BPIFC: variants seen among roughly 807,000 people sequenced by gnomAD.
BPIFC encodes BPI fold containing family C.
BPIFC carries 60 observed loss-of-function variants against 57.6 expected under a neutral mutation model. That is an observed-to-expected ratio of 1.04 (90% CI 0.85 to 1.29). BPIFC has a LOEUF of 1.29. Ranked by LOEUF, BPIFC falls within the 50% of genes most tolerant of loss-of-function variation. The pLI, the probability that BPIFC is intolerant of heterozygous loss-of-function variation, is 0.00. For synonymous variants in BPIFC, 243 were observed against 224.5 expected (o/e 1.08, Z -0.74); for missense variants, 581 against 600.5 (o/e 0.97, Z 0.34).
At chr22:32,443,040 G>A (rs17691812) in intron 7 of BPIFC, among the ~76,000 whole-genome samples, 1 of 152,022 alleles carries the variant, frequency 6.6e-6, no homozygotes, top group Non-Finnish European at 1.5e-5. Context: ...AGTCCATGCT[G>A]TTATACCCGA....
rs566722950 is a variant in BPIFC, at chr22:32,452,374, C to A, written c.245+1009G>T. On this transcript the variant is annotated intron_variant, in intron 4 of 16. Coordinates refer to ENST00000300399, the MANE Select transcript of BPIFC (RefSeq NM_174932.3). ...GTTTTGGGCTGGGCGTGGTGGCTCA[C>A]GCCTGTAATCCCAGCACTTTGGGAG... 8.5e-5 allele frequency among the ~76,000 whole-genome samples: 13 copies of A among 152,166 alleles called. No individual in the cohort carries two copies. In the South Asian group the frequency reaches 2.7e-3, roughly 32 times the overall value.
At chr22:32,431,889 G>GAAGT (rs1934253477) in intron 12 of BPIFC, among the ~76,000 whole-genome samples, 1 of 151,928 alleles carries the variant, frequency 6.6e-6, no homozygotes, top group Non-Finnish European at 1.5e-5. Context: ...TACAATGTAT[G>GAAGT]AGAGTGTGAG....
At chr22:32,429,523 T>G (rs1425887157) in intron 13 of BPIFC, among the ~76,000 whole-genome samples, 8 of 140,514 alleles carry the variant, frequency 5.7e-5, no homozygotes, top group African/African-American at 8.0e-5. Context: ...TTTTTTTTTT[T>G]TTTTTTTTTT....
rs1043654749 is a variant in BPIFC at position 32,431,329 on chromosome 22, C to G, written c.1217+18G>C. 1.2e-6 allele frequency: 2 copies of G among 1,603,354 alleles called. No homozygotes were observed. Among genetic ancestry groups the G allele is most frequent in the East Asian group, 4.5e-5 (2 of 44,816 alleles). On this transcript the variant is annotated intron_variant, in intron 13 of 16. Coordinates refer to ENST00000300399, the MANE Select transcript of BPIFC (RefSeq NM_174932.3). ...CTTATTACTAAGGTGCCCCAACAGT[C>G]AAATTGATTGATCTTACCTGTTCAG... is the stretch of plus-strand genomic sequence containing the variant.
chr22:32,422,263 C>T (rs770750838), intron 13 of BPIFC, among the ~76,000 whole-genome samples: 3 of 152,042 alleles, frequency 2.0e-5, no homozygotes, highest in South Asian at 2.1e-4. Flanking sequence ...CAGGAATGTG[C>T]GAGGCAATGT....
At chr22:32,462,902 A>G (rs1018398336) in intron 1 of BPIFC, among the ~76,000 whole-genome samples, 1 of 152,182 alleles carries the variant, frequency 6.6e-6, no homozygotes, top group Non-Finnish European at 1.5e-5. Context: ...AAAACCAAAC[A>G]CCATTTTCAA....
At chr22:32,419,822 A>C (rs76292879) in intron 13 of BPIFC, among the ~76,000 whole-genome samples, 1 of 144,174 alleles carries the variant, frequency 6.9e-6, no homozygotes, top group South Asian at 2.1e-4. Context: ...AAAAAAAAAA[A>C]AACAGATAAA....
chr22:32,445,723 A>AAAAAAAAAAAAAAAAAAAAAAAAAC, intron 6 of BPIFC, 25 bp from the exon 7 acceptor site: 1 of 1,512,736 alleles, frequency 6.6e-7, no homozygotes, highest in Non-Finnish European at 8.8e-7. Context: ...GAAAAAAAAA[A>AAAAAAAAAAAAAAAAAAAAAAAAAC]AAAAAAAAAA....
chr22:32,431,990 G>A lies in BPIFC; in HGVS notation c.1149+383C>T, dbSNP rs1934256939. Among the ~76,000 whole-genome samples the A allele has an allele frequency of 3.4e-5, 5 of 145,012 alleles. No homozygotes were observed. The Admixed American group carries it at 3.5e-4, about 10-fold the overall frequency. On this transcript the variant is annotated intron_variant, in intron 12 of 16. Coordinates refer to ENST00000300399, the MANE Select transcript of BPIFC (RefSeq NM_174932.3). The stretch of plus-strand genomic sequence containing the variant: ...ACCCTGTTGCCCAGACTGGAGTGCA[G>A]TGGTGCAATCATAGCTCACTGTAGC...
In BPIFC at chr22:32,432,556, C is replaced by T. The variant is rs368014677; in HGVS notation, c.979-13G>A. On this transcript the variant is annotated splice_polypyrimidine_tract_variant and intron_variant, in intron 11 of 16. Coordinates refer to ENST00000300399, the MANE Select transcript of BPIFC (RefSeq NM_174932.3). Reference sequence around the variant, plus strand: ...AGATCTCTGCAATCTGCCCACATTCCGAGAAAGAAATAAAGATTGTGAGGC... The same window carrying T: ...AGATCTCTGCAATCTGCCCACATTCTGAGAAAGAAATAAAGATTGTGAGGC... 2.1e-5 allele frequency: 33 copies of T among 1,609,336 alleles called. No individual in the cohort carries two copies. The highest frequency in any genetic ancestry group is 1.3e-4 in the African/African-American group (10 of 74,124).
chr22:32,459,975 G>A (rs925495861), intron 2 of BPIFC, among the ~76,000 whole-genome samples: 1 of 152,204 alleles, frequency 6.6e-6, no homozygotes, highest in Non-Finnish European at 1.5e-5. Context: ...AAGCAGCCTG[G>A]GTGAAGGAAA....
chr22:32,432,306 G>A, intron 12 of BPIFC, 67 bp downstream of exon 12: 1 of 1,544,324 alleles, frequency 6.5e-7, no homozygotes, highest in Non-Finnish European at 8.9e-7. Context: ...AAAAGCTGCT[G>A]GCCAACAGTC....
chr22:32,460,120 G>A (rs918187225), intron 2 of BPIFC, among the ~76,000 whole-genome samples: 1 of 152,184 alleles, frequency 6.6e-6, no homozygotes, highest in East Asian at 1.9e-4. Flanking sequence ...TAGAGAATTT[G>A]CTTGAAAAGA....
At chr22:32,428,274 CGCGTGTGT>C (rs1444100520) in intron 13 of BPIFC, among the ~76,000 whole-genome samples, 1 of 144,520 alleles carries the variant, frequency 6.9e-6, no homozygotes, top group African/African-American at 2.6e-5. Context: ...TGTGTGCGCG[CGCGTGTGT>C]GTGTGTGTGT....
chr22:32,456,271 C>T lies in BPIFC; in HGVS notation c.124+992G>A, dbSNP rs534281347. Reference sequence around the variant, plus strand: ...CATATATTCCTGGTACGTATTTCTACACACACCATTGTCCACATAACATTT... The same window carrying T: ...CATATATTCCTGGTACGTATTTCTATACACACCATTGTCCACATAACATTT... On this transcript the variant is annotated intron_variant, in intron 3 of 16. Transcript: ENST00000300399. Among the ~76,000 whole-genome samples, 9 of 152,328 alleles carry T rather than the reference C, an allele frequency of 5.9e-5. No homozygotes were observed. The East Asian group carries it at 1.7e-3, about 29-fold the overall frequency.
At chr22:32,463,778 C>T (rs1295399543) in intron 1 of BPIFC, among the ~76,000 whole-genome samples, 1 of 152,110 alleles carries the variant, frequency 6.6e-6, no homozygotes, top group Non-Finnish European at 1.5e-5. Context: ...GGGATCCACT[C>T]CTCACATCTA....
chr22:32,434,556 CTT>C (rs1934340761), intron 10 of BPIFC, among the ~76,000 whole-genome samples: 1 of 151,256 alleles, frequency 6.6e-6, no homozygotes, highest in South Asian at 2.1e-4. Context: ...ATATTCTTCA[CTT>C]ATATATATTA....
At chr22:32,450,358 T>C (rs961408892) in intron 4 of BPIFC, among the ~76,000 whole-genome samples, 5 of 152,192 alleles carry the variant, frequency 3.3e-5, no homozygotes, top group African/African-American at 1.2e-4. Flanking sequence ...ACCATCTAGG[T>C]TCGTGTAAAT....
chr22:32,442,290 G>A (rs1249413696), intron 8 of BPIFC, among the ~76,000 whole-genome samples: 1 of 152,174 alleles, frequency 6.6e-6, no homozygotes, highest in East Asian at 1.9e-4. Context: ...ATGCTAAGGT[G>A]CGAGGACTTG....
Sources: gnomAD v4.1 joint callset for allele counts (sites outside exome capture counted in the v4.1 genomes callset) on GRCh38, gnomAD v4.1.1 for gene constraint, MANE v1.5 for transcripts, NCBI Gene and HGNC (gene_info 2026-07-23, HGNC 2026-07-21) for gene names.